Variants in ZNF727 observed in about 807,000 individuals in gnomAD.
The protein encoded by ZNF727 is zinc finger protein 727, also known as putative zinc finger protein 727.
ZNF727 carries 11 observed loss-of-function variants against 11.5 expected under a neutral mutation model. The observed-to-expected ratio is 0.95, with a 90% CI of 0.60 to 1.58. The LOEUF (loss-of-function observed/expected upper bound fraction) is 1.58. Among genes scored for constraint, ZNF727 ranks in the 40% most tolerant of loss-of-function variants. The pLI is 0.00. For synonymous variants in ZNF727, 171 were observed against 196.1 expected, an observed-to-expected ratio of 0.87 and a Z score of 1.07; for missense variants, 533 against 581.7, an observed-to-expected ratio of 0.92 and a Z score of 0.86.
At chr7:64,073,562 T>G (rs1789996437) in intron 3 of ZNF727, among the ~76,000 whole-genome samples, 1 of 152,070 alleles carries the variant, frequency 6.6e-6, no homozygotes, top group Admixed American at 6.6e-5. Flanking sequence ...TTTTGGAAAT[T>G]TATTTCTTTA....
At chr7:64,072,842 C>T (rs1392307618) in intron 3 of ZNF727, among the ~76,000 whole-genome samples, 1 of 152,006 alleles carries the variant, frequency 6.6e-6, no homozygotes, top group Non-Finnish European at 1.5e-5. Context: ...GGTTTTAAAA[C>T]CCTCTCCCTG....
At chr7:64,067,899 CTT>C (rs574091576) in intron 1 of ZNF727, among the ~76,000 whole-genome samples, 4,556 of 65,664 alleles carry the variant, frequency 0.069, 81 homozygotes, top group Admixed American at 0.13. Flanking sequence ...GAACTTAAAG[CTT>C]TTAAAAAAAA....
chr7:64,077,434 A>C lies in ZNF727; in HGVS notation c.385A>C (p.Ser129Arg), dbSNP rs768799600. 6 of 1,551,894 alleles carry C rather than the reference A, an allele frequency of 3.9e-6. No individual in the cohort carries two copies. The highest frequency in any genetic ancestry group is 2.4e-5 in the South Asian group (2 of 84,068). ...RVGNCKGQKS[S>R]YNGIHQCLSA... The stretch of plus-strand genomic sequence containing the variant: ...GGGTAATTGCAAGGGGCAGAAAAGC[A>C]GTTATAATGGCATTCATCAATGTTT... Residue 129 changes from serine to arginine, a missense_variant, in exon 4 of 4, where the codon AGT becomes CGT. Around this residue, in one of 3 missense-constraint regions of ZNF727, gnomAD observed 463 missense variants for 494.5 expected, o/e 0.94. Transcript: ENST00000456806.
At position 64,077,751 on chromosome 7, in the gene ZNF727, C is replaced by G. The variant is rs1263944455; in HGVS notation, c.702C>G (p.Gly234=). The change falls in exon 4 of 4, where the codon GGC becomes GGG. Residue 234 remains glycine, a synonymous_variant. Coordinates refer to ENST00000456806, the MANE Select transcript of ZNF727 (RefSeq NM_001159522.3). Reference sequence around the variant, plus strand: ...AACCCTACAAATGTGAAGAATGTGGCAAAACATTTACCTGTTCCTCAGCCC... The same window carrying G: ...AACCCTACAAATGTGAAGAATGTGGGAAAACATTTACCTGTTCCTCAGCCC... ...GKKPYKCEEC[G]KTFTCSSALT... is the part of the protein sequence containing the mutation. The G allele has an allele frequency of 6.3e-7, 1 of 1,583,754 alleles. No individual in the cohort carries two copies.
At chr7:64,046,361 G>T (rs554534889) in intron 1 of ZNF727, among the ~76,000 whole-genome samples, 1 of 152,232 alleles carries the variant, frequency 6.6e-6, no homozygotes, top group South Asian at 2.1e-4. Context: ...ATATAGTTTC[G>T]AAGTGTTTTC....
Position 64,077,727 on chromosome 7 carries a change from A to G in ZNF727, c.678A>G (p.Lys226=). ...ATAATAGAGTTCATACTGGAAAGAAACCCTACAAATGTGAAGAATGTGGCA... is the reference window on the plus strand; with the variant it reads ...ATAATAGAGTTCATACTGGAAAGAAGCCCTACAAATGTGAAGAATGTGGCA... ...TEHNRVHTGK[K]PYKCEECGKT... The change falls in exon 4 of 4, where the codon AAA becomes AAG. Residue 226 remains lysine, a synonymous_variant. Coordinates refer to ENST00000456806, the MANE Select transcript of ZNF727 (RefSeq NM_001159522.3). The G allele has an allele frequency of 6.3e-7, 1 of 1,582,456 alleles. No individual in the cohort carries two copies. Among genetic ancestry groups the G allele is most frequent in the Non-Finnish European group, 8.6e-7 (1 of 1,163,710 alleles).
At chr7:64,076,507 A>G (rs1047799362) in intron 3 of ZNF727, among the ~76,000 whole-genome samples, 1 of 152,112 alleles carries the variant, frequency 6.6e-6, no homozygotes, top group African/African-American at 2.4e-5. Context: ...CCGGAGGCTG[A>G]GGCAGGAGAA....
rs1401224982 is a variant in ZNF727, at chr7:64,077,357, C to A, written c.308C>A (p.Ser103Tyr). 13 of 1,550,940 alleles carry A rather than the reference C, an allele frequency of 8.4e-6. No individual in the cohort carries two copies. The highest frequency in any genetic ancestry group is 9.6e-6 in the Non-Finnish European group (11 of 1,146,868). ...DSFQKVILRK[S>Y]GSCDLNTLRL... Reference sequence around the variant, plus strand: ...TTTCAAAAAGTGATCCTGAGAAAATCTGGAAGCTGTGACCTTAATACTTTA... The same window carrying A: ...TTTCAAAAAGTGATCCTGAGAAAATATGGAAGCTGTGACCTTAATACTTTA... The change falls in exon 4 of 4, where the codon TCT (serine) becomes TAT (tyrosine). Residue 103 changes from serine to tyrosine, a missense_variant. Transcript: ENST00000456806.
At chr7:64,057,190 T>C (rs1789698111) in intron 1 of ZNF727, among the ~76,000 whole-genome samples, 1 of 152,146 alleles carries the variant, frequency 6.6e-6, no homozygotes, top group Non-Finnish European at 1.5e-5. Context: ...TTTCAATAGG[T>C]TCAGTGCTCT....
intron 1 of ZNF727, among the ~76,000 whole-genome samples, chr7:64,066,194 G>A (rs1361136681): frequency 1.3e-5 from 2 of 152,084 alleles, no homozygotes; most frequent in Non-Finnish European, 2.9e-5. Flanking sequence ...CTCATGGATA[G>A]GAAGAATCAG....
chr7:64,059,419 G>A lies in ZNF727; in HGVS notation c.4-9472G>A, dbSNP rs758726886. On this transcript the variant is annotated intron_variant, in intron 1 of 3. Coordinates refer to ENST00000456806, the MANE Select transcript of ZNF727 (RefSeq NM_001159522.3). ...GTCTTCTTAAATTTCTTTGTTTTTCGCCTGTAGAAATAAGAACTTAACTTT... is the reference window on the plus strand; with the variant it reads ...GTCTTCTTAAATTTCTTTGTTTTTCACCTGTAGAAATAAGAACTTAACTTT... 8.6e-4 allele frequency among the ~76,000 whole-genome samples: 131 copies of A among 151,888 alleles called. 1 individual carries two copies. The highest frequency in any genetic ancestry group is 2.9e-3 in the African/African-American group (121 of 41,322).
intron 1 of ZNF727, among the ~76,000 whole-genome samples, chr7:64,046,535 G>A (rs77082929): frequency 0.018 from 2,736 of 152,252 alleles, 161 homozygotes; most frequent in East Asian, 0.18. Context: ...TTATTTAAAA[G>A]TGTATAGCAA....
chr7:64,053,646 T>C (rs998659389), intron 1 of ZNF727, among the ~76,000 whole-genome samples: 1 of 152,060 alleles, frequency 6.6e-6, no homozygotes, highest in Non-Finnish European at 1.5e-5. Flanking sequence ...AAAAGAGAAG[T>C]TCCCCTCCAC....
chr7:64,045,632 C>T lies in ZNF727; in HGVS notation c.3+8C>T, dbSNP rs773246640. On this transcript the variant is annotated splice_region_variant and intron_variant, in intron 1 of 3. Coordinates refer to ENST00000456806, the MANE Select transcript of ZNF727 (RefSeq NM_001159522.3). Reference sequence around the variant, plus strand: ...TCCGGAGGCTGGGAAATGGTGAGTGCGCGGAGTGGGTGTCCCGAGAAGGGG... The same window carrying T: ...TCCGGAGGCTGGGAAATGGTGAGTGTGCGGAGTGGGTGTCCCGAGAAGGGG... 6 of 1,559,090 alleles carry T rather than the reference C, an allele frequency of 3.8e-6. No homozygotes were observed. The African/African-American group carries it at 4.1e-5, about 11-fold the overall frequency.
chr7:64,060,519 C>G (rs1316968022), intron 1 of ZNF727, among the ~76,000 whole-genome samples: 2 of 152,190 alleles, frequency 1.3e-5, no homozygotes, highest in Admixed American at 6.5e-5. Context: ...GAGCAATCAG[C>G]CATTCCAGCC....
At position 64,078,590 on chromosome 7, in the gene ZNF727, A is replaced by G. The variant is rs766944088; in HGVS notation, c.*41A>G. 6.5e-7 allele frequency: 1 copy of G among 1,548,076 alleles called. No individual in the cohort carries two copies. The highest frequency in any genetic ancestry group is 1.4e-5 in the African/African-American group (1 of 72,778). On this transcript the variant is annotated 3_prime_UTR_variant, in exon 4 of 4. Coordinates refer to ENST00000456806, the MANE Select transcript of ZNF727 (RefSeq NM_001159522.3). ...AACCTTACAAATGTAATGAATGTGG[A>G]AAAGCTTTTACGTGGATCTTGGCCC... is the stretch of plus-strand genomic sequence containing the variant.
rs1192900226 is a variant in ZNF727, at chr7:64,083,508, T to C, written c.*4959T>C. Among the ~76,000 whole-genome samples, 1 of 152,210 alleles carries C rather than the reference T, an allele frequency of 6.6e-6. No homozygotes were observed. Among genetic ancestry groups the C allele is most frequent in the African/African-American group, 2.4e-5 (1 of 41,444 alleles). Reference sequence around the variant, plus strand: ...CTGTTTGCTGAGTTGCAGCTACTTTTTCTGGGAAGCCTGGAAAGCCAGAGT... The same window carrying C: ...CTGTTTGCTGAGTTGCAGCTACTTTCTCTGGGAAGCCTGGAAAGCCAGAGT... On this transcript the variant is annotated 3_prime_UTR_variant, in exon 4 of 4. Coordinates refer to ENST00000456806, the MANE Select transcript of ZNF727 (RefSeq NM_001159522.3).
rs1271631682 is a variant in ZNF727 at position 64,069,580 on chromosome 7, G to C, written c.197G>C (p.Arg66Thr). ...CAAAGAAAAGAGCCTTGGAATGCGAGGAGACAGAAGACAGTAGCCAAACAC... is the reference window on the plus strand; with the variant it reads ...CAAAGAAAAGAGCCTTGGAATGCGACGAGACAGAAGACAGTAGCCAAACAC... ...LEQRKEPWNA[R>T]RQKTVAKHPA... is the part of the protein sequence containing the mutation. The change falls in exon 3 of 4, where the codon AGG becomes ACG. Residue 66 changes from arginine to threonine, a missense_variant. By Grantham distance (71) the Arg-to-Thr change is moderately conservative (BLOSUM62 -1). Around this residue, in one of 3 missense-constraint regions of ZNF727, gnomAD observed 463 missense variants for 494.5 expected, o/e 0.94. Coordinates refer to ENST00000456806, the MANE Select transcript of ZNF727 (RefSeq NM_001159522.3). 1 of 1,563,284 alleles carries C rather than the reference G, an allele frequency of 6.4e-7. No individual in the cohort carries two copies. Among genetic ancestry groups the C allele is most frequent in the East Asian group, 2.4e-5 (1 of 42,286 alleles).
At chr7:64,048,912 C>G (rs1789549921) in intron 1 of ZNF727, among the ~76,000 whole-genome samples, 1 of 152,040 alleles carries the variant, frequency 6.6e-6, no homozygotes, top group Non-Finnish European at 1.5e-5. Flanking sequence ...GATTGGTGGC[C>G]AAGCCTGCAG....
Sources: gnomAD v4.1 joint callset for allele counts (sites outside exome capture counted in the v4.1 genomes callset) on GRCh38, gnomAD v4.1.1 for gene constraint, gnomAD v4.1.1 regional missense constraint, MANE v1.5 for transcripts, NCBI Gene and HGNC (gene_info 2026-07-23, HGNC 2026-07-21) for gene names.